The following TMEM63A variants were observed in gnomAD, a reference collection of about 807,000 sequenced individuals.
TMEM63A encodes transmembrane protein 63A.
TMEM63A carries 76 observed loss-of-function variants against 100.6 expected under a neutral mutation model. The observed-to-expected ratio is 0.76, with a 90% CI of 0.63 to 0.91. The LOEUF (loss-of-function observed/expected upper bound fraction) is 0.91. Among genes scored for constraint, TMEM63A ranks in the 40% least tolerant of loss-of-function variants. The pLI is 0.00. For missense variants in TMEM63A, 876 were observed against 1,008.8 expected (o/e 0.87, Z 1.78); for synonymous variants, 401 against 401.1 (o/e 1.00, Z 0.00).
At chr1:225,858,398 T>G (rs1669755294) in intron 15 of TMEM63A, among the ~76,000 whole-genome samples, 1 of 150,566 alleles carries the variant, frequency 6.6e-6, no homozygotes, top group African/African-American at 2.4e-5. Context: ...CAATCTCGGC[T>G]TACTGCAACC....
chr1:225,850,102 C>A (rs771679013), intron 20 of TMEM63A, 23 bp from the exon 21 acceptor site: 1 of 1,612,536 alleles, frequency 6.2e-7, no homozygotes, highest in Non-Finnish European at 8.5e-7. Flanking sequence ...GGGCTGTGAG[C>A]TGGAGACCTC....
chr1:225,858,365 G>A (rs868743220), intron 15 of TMEM63A, among the ~76,000 whole-genome samples: 16 of 131,744 alleles, frequency 1.2e-4, no homozygotes, highest in South Asian at 2.4e-4. Context: ...CGCTCTTGTC[G>A]CCCAGGCTGG....
At chr1:225,879,062 C>T (rs1670965641) in intron 2 of TMEM63A, among the ~76,000 whole-genome samples, 158 bp downstream of exon 2, 1 of 152,156 alleles carries the variant, frequency 6.6e-6, no homozygotes, top group Non-Finnish European at 1.5e-5. Context: ...AGTCATGGGG[C>T]TGCTGACTCT....
chr1:225,854,329 C>T (rs553764828), intron 18 of TMEM63A, among the ~76,000 whole-genome samples: 2 of 152,268 alleles, frequency 1.3e-5, no homozygotes, highest in Admixed American at 1.3e-4. Flanking sequence ...CAGCCCAGGA[C>T]AAGGGATCTG....
At chr1:225,869,666 C>CTTTTCTTTTTTT (rs76862516) in intron 6 of TMEM63A, among the ~76,000 whole-genome samples, 8 of 109,904 alleles carry the variant, frequency 7.3e-5, no homozygotes, top group Admixed American at 1.1e-4. Flanking sequence ...CTTTTCTTTT[C>CTTTTCTTTTTTT]TTTTTTTTTT....
chr1:225,870,968 G>A (rs1670480225), intron 6 of TMEM63A, 108 bp downstream of exon 6: 1 of 1,183,480 alleles, frequency 8.4e-7, no homozygotes, highest in Non-Finnish European at 1.2e-6. Context: ...AAGTATCTAA[G>A]AGACACCATC....
rs1212072757 is a variant in TMEM63A, at chr1:225,862,585, G to C, written c.828-7C>G. On this transcript the variant is annotated splice_polypyrimidine_tract_variant and splice_region_variant and intron_variant, in intron 11 of 24. Coordinates refer to ENST00000366835, the MANE Select transcript of TMEM63A (RefSeq NM_014698.3). The surrounding 1 kb of genome is among the most constrained non-coding windows in gnomAD (Gnocchi z 5.1). ...GCTCTTCTCAGTCTTCTTTCTGTAG[G>C]GGTGGGAGCGGGGGCACAAACCTCA... is the stretch of plus-strand genomic sequence containing the variant. 4 of 1,612,306 alleles carry C rather than the reference G, an allele frequency of 2.5e-6. No homozygotes were observed. In the Admixed American group the frequency reaches 6.7e-5, roughly 27 times the overall value.
At chr1:225,844,152 G>A (rs973132625), downstream of TMEM63A, among the ~76,000 whole-genome samples, 2 of 152,154 alleles carry the variant, frequency 1.3e-5, no homozygotes, top group East Asian at 3.9e-4. Flanking sequence ...ATGCTGCCTG[G>A]TATGTGGTCA....
At chr1:225,869,044 CA>C (rs1670362147) in intron 6 of TMEM63A, among the ~76,000 whole-genome samples, 1 of 152,186 alleles carries the variant, frequency 6.6e-6, no homozygotes, top group Non-Finnish European at 1.5e-5. Flanking sequence ...GGGAAGAGCT[CA>C]GGGGGGCAAG....
chr1:225,879,051 G>A (rs1670964830), intron 2 of TMEM63A, among the ~76,000 whole-genome samples, 169 bp downstream of exon 2: 2 of 152,180 alleles, frequency 1.3e-5, no homozygotes, highest in Admixed American at 1.3e-4. Flanking sequence ...TGTGATGCCA[G>A]AGTCATGGGG....
downstream of TMEM63A, among the ~76,000 whole-genome samples, chr1:225,843,242 G>T (rs1372529227): frequency 3.3e-5 from 5 of 152,210 alleles, no homozygotes; most frequent in African/African-American, 1.2e-4. Flanking sequence ...GAGGGGAAAT[G>T]ACCAGGAGAA....
chr1:225,857,253 T>C (rs545613998), intron 15 of TMEM63A, among the ~76,000 whole-genome samples: 1 of 152,250 alleles, frequency 6.6e-6, no homozygotes, highest in East Asian at 1.9e-4. Context: ...AAGAAAGCAA[T>C]TTCACATACG....
Position 225,846,733 on chromosome 1 carries a change from T to A in TMEM63A, c.*206A>T, listed in dbSNP as rs1232003293. 1 of 306,974 alleles carries A rather than the reference T, an allele frequency of 3.3e-6. No homozygotes were observed. The highest frequency in any genetic ancestry group is 5.8e-5 in the East Asian group (1 of 17,152). 19.0% of individuals were successfully genotyped at this position (306,974 alleles called of 1,614,324 possible). A position where few individuals can be genotyped will look rare whatever the true frequency, so the allele number is the denominator to read the frequency against. On this transcript the variant is annotated 3_prime_UTR_variant, in exon 25 of 25. Transcript: ENST00000366835. ...AAACCACTGGGGATGTCACCCCAGCTGCAGAGCTGGAAGCTTGTGCCGGAG... is the reference window on the plus strand; with the variant it reads ...AAACCACTGGGGATGTCACCCCAGCAGCAGAGCTGGAAGCTTGTGCCGGAG...
rs759219656 is a variant in TMEM63A, at chr1:225,853,647, G to A, written c.1779C>T (p.Asp593=). ...FRMIMAKTAA[D]RRNVKQNQAF... is the part of the protein sequence containing the mutation. ...ATGGCACCTGCTTGACATTCCTGCG[G>A]TCAGCAGCCGTCTTGGCCATGATCA... The change falls in exon 19 of 25, where the codon GAC becomes GAT. Residue 593 remains aspartate (D), a synonymous_variant. Coordinates refer to ENST00000366835, the MANE Select transcript of TMEM63A (RefSeq NM_014698.3). This position sits in a 1 kb window ranked among gnomAD's most constrained non-coding sequence, Gnocchi z 4.0. 1.9e-6 allele frequency: 3 copies of A among 1,569,212 alleles called. No homozygotes were observed. Among genetic ancestry groups the A allele is most frequent in the Non-Finnish European group, 2.6e-6 (3 of 1,156,800 alleles).
intron 2 of TMEM63A, among the ~76,000 whole-genome samples, chr1:225,878,046 G>A (rs1217005527): frequency 6.6e-6 from 1 of 152,134 alleles, no homozygotes; most frequent in Non-Finnish European, 1.5e-5. Flanking sequence ...AAAACACCGG[G>A]ATAAACAACC....
rs879839926 is a variant in TMEM63A, at chr1:225,862,078, G to A, written c.1085+140C>T. On this transcript the variant is annotated intron_variant, in intron 13 of 24. Transcript: ENST00000366835. This position sits in a 1 kb window ranked among gnomAD's most constrained non-coding sequence, Gnocchi z 5.1. ...TGGCTGAAAGTGAGTGTGGGTAGCT[G>A]AGGGAGGAGAAGGAAACACCACAGA... is the stretch of plus-strand genomic sequence containing the variant. The A allele has an allele frequency of 8.4e-6, 11 of 1,303,688 alleles. No individual in the cohort carries two copies. In the Admixed American group the frequency reaches 2.4e-4, roughly 28 times the overall value. 80.8% of individuals were successfully genotyped at this position (1,303,688 alleles called of 1,614,324 possible).
Position 225,854,607 on chromosome 1 carries a change from G to T in TMEM63A, c.1635-816C>A, listed in dbSNP as rs145937366. Among the ~76,000 whole-genome samples, 577 of 152,328 alleles carry T rather than the reference G, an allele frequency of 3.8e-3. 2 individuals carry two copies. The highest frequency in any genetic ancestry group is 0.011 in the South Asian group (55 of 4,830). On this transcript the variant is annotated intron_variant, in intron 18 of 24. Coordinates refer to ENST00000366835, the MANE Select transcript of TMEM63A (RefSeq NM_014698.3). ...GCAGATTTGAGGGTAAAAGTCGAGAGTTTGGTTTTGGGCAGGTAACATCCG... is the reference window on the plus strand; with the variant it reads ...GCAGATTTGAGGGTAAAAGTCGAGATTTTGGTTTTGGGCAGGTAACATCCG...
downstream of TMEM63A, chr1:225,845,265 G>A (rs1668862505): frequency 6.2e-7 from 1 of 1,613,700 alleles, no homozygotes. Context: ...ATGGTTCGTG[G>A]GGGCCACTTT....
intron 10 of TMEM63A, among the ~76,000 whole-genome samples, chr1:225,863,448 T>C (rs187739408): frequency 4.2e-4 from 64 of 152,252 alleles, no homozygotes; most frequent in Non-Finnish European, 1.5e-4. Flanking sequence ...AATGAACACA[T>C]CACTATCCCC....
Sources: allele counts gnomAD v4.1 joint callset (sites outside exome capture counted in the v4.1 genomes callset), GRCh38; gene constraint gnomAD v4.1.1; non-coding constraint Gnocchi (gnomAD v3.1); transcripts MANE v1.5; gene names NCBI Gene and HGNC (gene_info 2026-07-23, HGNC 2026-07-21).